The following CEP57 variants were observed in gnomAD, a reference collection of about 807,000 sequenced individuals.
CEP57 encodes centrosomal protein 57.
A neutral mutation model predicts 68.0 loss-of-function variants in CEP57; 40 were observed. The observed-to-expected ratio is 0.59, with a 90% CI of 0.46 to 0.77. The LOEUF is 0.77. CEP57 is among the 30% of genes least tolerant of loss of function. The pLI, the probability that CEP57 is intolerant of heterozygous loss-of-function variation, is 0.00. For missense variants in CEP57, 606 were observed against 580.7 expected (o/e 1.04, Z -0.45); for synonymous variants, 219 against 198.7 (o/e 1.10, Z -0.86).
At chr11:95,794,787 A>G (rs937342936) in intron 1 of CEP57, among the ~76,000 whole-genome samples, 5 of 151,674 alleles carry the variant, frequency 3.3e-5, no homozygotes, top group African/African-American at 9.7e-5. Context: ...ATTCTTCTAT[A>G]TTTTTTTCCT....
In CEP57 at chr11:95,790,668, A is replaced by C. The variant is rs1860985041; in HGVS notation, c.-31A>C. 9 of 1,612,372 alleles carry C rather than the reference A, an allele frequency of 5.6e-6. No individual in the cohort carries two copies. The highest frequency in any genetic ancestry group is 7.6e-6 in the Non-Finnish European group (9 of 1,179,350). ...AGCACGAGAACCTAGACCGCCCCCGAAGTGCGGAGACCCCCTGGGCAGGCT... is the reference window on the plus strand; with the variant it reads ...AGCACGAGAACCTAGACCGCCCCCGCAGTGCGGAGACCCCCTGGGCAGGCT... On this transcript the variant is annotated 5_prime_UTR_variant, in exon 1 of 11. Transcript: ENST00000325542.
At chr11:95,796,068 A>G (rs762445232) in intron 1 of CEP57, among the ~76,000 whole-genome samples, 14 of 152,290 alleles carry the variant, frequency 9.2e-5, no homozygotes, top group African/African-American at 2.9e-4. Flanking sequence ...ATTACATCCA[A>G]TTTACCAGTT....
chr11:95,812,201 C>T (rs575441097), intron 2 of CEP57, among the ~76,000 whole-genome samples: 2 of 151,812 alleles, frequency 1.3e-5, no homozygotes, highest in African/African-American at 4.8e-5. Flanking sequence ...TACATGTGCT[C>T]CTATTAATAA....
intron 2 of CEP57, among the ~76,000 whole-genome samples, chr11:95,810,297 G>A (rs1038881712): frequency 2.0e-5 from 3 of 152,176 alleles, no homozygotes; most frequent in African/African-American, 7.2e-5. Context: ...GCACAAGACA[G>A]GGATGCCGTC....
chr11:95,804,750 A>G (rs1861721802), intron 2 of CEP57, among the ~76,000 whole-genome samples: 1 of 152,236 alleles, frequency 6.6e-6, no homozygotes, highest in Non-Finnish European at 1.5e-5. Context: ...GTGCTCATAT[A>G]TAAATAAATA....
In CEP57 at chr11:95,799,275, G is replaced by T. The variant is rs577173144; in HGVS notation, c.89G>T (p.Arg30Leu). Residue 30 changes from arginine (R) to leucine (L), a missense_variant, in exon 2 of 11, where the codon CGG becomes CTG. Coordinates refer to ENST00000325542, the MANE Select transcript of CEP57 (RefSeq NM_014679.5). ...TCAAGGTCTAATGGAAGCATGGTTC[G>T]GCATTCTTCATCTCCATATGTAGTA... ...EPSRSNGSMVRHSSSPYVVYP... is the reference protein window; with the variant it reads ...EPSRSNGSMVLHSSSPYVVYP... The T allele has an allele frequency of 6.2e-7, 1 of 1,614,024 alleles. No homozygotes were observed. The highest frequency in any genetic ancestry group is 1.7e-5 in the Admixed American group (1 of 60,016).
At chr11:95,799,969 C>T (rs1861504435) in intron 2 of CEP57, among the ~76,000 whole-genome samples, 1 of 152,162 alleles carries the variant, frequency 6.6e-6, no homozygotes, top group African/African-American at 2.4e-5. Flanking sequence ...TTTCCTTTCC[C>T]ATCCTTTGCT....
chr11:95,829,090 T>C, intron 9 of CEP57, 97 bp from the exon 10 acceptor site: 1 of 1,336,962 alleles, frequency 7.5e-7, no homozygotes, highest in Non-Finnish European at 1.0e-6. Context: ...GGAGTCATTT[T>C]TTAAACACAT....
intron 9 of CEP57, among the ~76,000 whole-genome samples, chr11:95,828,278 A>C (rs534572588): frequency 3.9e-4 from 60 of 152,340 alleles, no homozygotes; most frequent in African/African-American, 1.4e-3. Flanking sequence ...AGAACTTATG[A>C]TATACAGTCA....
Position 95,790,624 on chromosome 11 carries a change from C to T in CEP57, c.-75C>T, listed in dbSNP as rs1458028081. On this transcript the variant is annotated 5_prime_UTR_variant, in exon 1 of 11. Transcript: ENST00000325542. Reference sequence around the variant, plus strand: ...GCCTAGGGTCCCCGCTGGTGGGCGGCTCCCGAGTCTTGGAGAAGAGCACGA... The same window carrying T: ...GCCTAGGGTCCCCGCTGGTGGGCGGTTCCCGAGTCTTGGAGAAGAGCACGA... 3.8e-6 allele frequency: 6 copies of T among 1,562,408 alleles called. No homozygotes were observed. Among genetic ancestry groups the T allele is most frequent in the Non-Finnish European group, 5.2e-6 (6 of 1,146,104 alleles).
chr11:95,801,718 T>G (rs1390779249), intron 2 of CEP57, among the ~76,000 whole-genome samples: 2 of 151,972 alleles, frequency 1.3e-5, no homozygotes, highest in African/African-American at 2.4e-5. Flanking sequence ...GCAGATTTAT[T>G]CACCGAGAAT....
Position 95,790,593 on chromosome 11 carries a change from G to A in CEP57, c.-106G>A, listed in dbSNP as rs1332639180. ...AGCACCCTTGCCCTTTTCCATCAGGGGTTCAGCCTAGGGTCCCCGCTGGTG... is the reference window on the plus strand; with the variant it reads ...AGCACCCTTGCCCTTTTCCATCAGGAGTTCAGCCTAGGGTCCCCGCTGGTG... On this transcript the variant is annotated 5_prime_UTR_variant, in exon 1 of 11. Coordinates refer to ENST00000325542, the MANE Select transcript of CEP57 (RefSeq NM_014679.5). 20 of 1,372,444 alleles carry A rather than the reference G, an allele frequency of 1.5e-5. No homozygotes were observed. Among genetic ancestry groups the A allele is most frequent in the Non-Finnish European group, 1.9e-5 (19 of 984,096 alleles). The allele number at this position is 1,372,444 out of a possible 1,614,324, so 85.0% of individuals were successfully genotyped here. A position where few individuals can be genotyped will look rare whatever the true frequency, so the allele number is the denominator to read the frequency against.
chr11:95,829,072 C>A (rs1379093083), intron 9 of CEP57, 115 bp from the exon 10 acceptor site: 12 of 1,088,390 alleles, frequency 1.1e-5, no homozygotes, highest in Non-Finnish European at 1.6e-5. Flanking sequence ...TTGCTCTGTT[C>A]AAAAAATGGA....
intron 10 of CEP57, 73 bp downstream of exon 10, chr11:95,829,404 G>T: frequency 2.9e-6 from 4 of 1,402,072 alleles, no homozygotes; most frequent in Non-Finnish European, 4.0e-6. Flanking sequence ...AATATTAAAT[G>T]ATGACACTAA....
At chr11:95,809,349 G>A (rs1861949161) in intron 2 of CEP57, among the ~76,000 whole-genome samples, 1 of 152,090 alleles carries the variant, frequency 6.6e-6, no homozygotes. Flanking sequence ...AAATAACTAA[G>A]ATCAGAGCAG....
In CEP57 at chr11:95,832,008, C is replaced by G. The variant is rs1863025166; in HGVS notation, c.*752C>G. 1 of 152,026 alleles carries G rather than the reference C, an allele frequency of 6.6e-6. No homozygotes were observed. The highest frequency in any genetic ancestry group is 1.5e-5 in the Non-Finnish European group (1 of 67,974). 9.4% of individuals were successfully genotyped at this position (152,026 alleles called of 1,614,324 possible). A position where few individuals can be genotyped will look rare whatever the true frequency, so the allele number is the denominator to read the frequency against. On this transcript the variant is annotated 3_prime_UTR_variant, in exon 11 of 11. Coordinates refer to ENST00000325542, the MANE Select transcript of CEP57 (RefSeq NM_014679.5). ...GTTGTGAGCATATACCTTCACAGTT[C>G]TTAATACCTGTTTTGTAATCATGAT... is the stretch of plus-strand genomic sequence containing the variant.
chr11:95,828,343 C>A (rs1047582636), intron 9 of CEP57, among the ~76,000 whole-genome samples: 2 of 152,180 alleles, frequency 1.3e-5, no homozygotes, highest in African/African-American at 4.8e-5. Flanking sequence ...AGGCGATTTT[C>A]TTTTCCTTGT....
intron 2 of CEP57, among the ~76,000 whole-genome samples, chr11:95,802,402 A>T (rs1189451613): frequency 1.3e-5 from 2 of 151,786 alleles, no homozygotes; most frequent in Non-Finnish European, 1.5e-5. Context: ...TTACAGACAC[A>T]TGCCACCACA....
chr11:95,792,953 A>G (rs16922543), intron 1 of CEP57, among the ~76,000 whole-genome samples: 9,865 of 152,142 alleles, frequency 0.065, 404 homozygotes, highest in Middle Eastern at 0.13. Flanking sequence ...AAACTATACC[A>G]TGAACTGAGA....
Sources: allele counts gnomAD v4.1 joint callset (sites outside exome capture counted in the v4.1 genomes callset), GRCh38; gene constraint gnomAD v4.1.1; transcripts MANE v1.5; gene names NCBI Gene and HGNC (gene_info 2026-07-23, HGNC 2026-07-21).